Variants in RIPOR1 observed in about 807,000 individuals in gnomAD.
RIPOR1 encodes RHO family interacting cell polarization regulator 1.
In RIPOR1, 58 loss-of-function variants were observed where a neutral mutation model predicts 116.5. The ratio of observed to expected loss-of-function variants is 0.50; its 90% CI spans 0.40 to 0.62. RIPOR1 has a LOEUF of 0.62. RIPOR1 is among the 20% of genes least tolerant of loss of function. RIPOR1 has a pLI of 0.00. For synonymous variants in RIPOR1, 605 were observed against 650.0 expected (o/e 0.93, Z 1.05); for missense variants, 1,372 against 1,586.2 (o/e 0.86, Z 2.29).
intron 1 of RIPOR1, among the ~76,000 whole-genome samples, chr16:67,532,770 G>C (rs780048851): frequency 3.3e-5 from 5 of 152,266 alleles, no homozygotes; most frequent in Admixed American, 2.0e-4. Flanking sequence ...GATTAAATGA[G>C]ATGATGTTTG....
intron 1 of RIPOR1, among the ~76,000 whole-genome samples, chr16:67,536,826 A>G (rs903441012): frequency 2.6e-5 from 4 of 152,080 alleles, no homozygotes; most frequent in Non-Finnish European, 5.9e-5. Context: ...AGCCCCTCCA[A>G]TCAGCACCCT....
chr16:67,542,555 A>G lies in RIPOR1; in HGVS notation c.1769A>G (p.Asn590Ser). Residue 590 changes from asparagine to serine, a missense_variant, in exon 13 of 22, where the codon AAT (asparagine) becomes AGT (serine). Asn to Ser is a conservative substitution (Grantham distance 46). This residue lies in a region of RIPOR1 where 1,005 missense variants were observed against 1,144.7 expected (regional missense o/e 0.88). Coordinates refer to ENST00000042381, the MANE Select transcript of RIPOR1 (RefSeq NM_024519.4). The surrounding 1 kb of genome is among the most constrained non-coding windows in gnomAD (Gnocchi z 4.6). ...CTTACTACTACAGGCCCTACCCTCA[A>G]TATCATAGGCCCAGTCCAGACTACC... ...STLTTTGPTL[N>S]IIGPVQTTTS... The G allele has an allele frequency of 6.2e-7, 1 of 1,613,600 alleles. No homozygotes were observed. The highest frequency in any genetic ancestry group is 8.5e-7 in the Non-Finnish European group (1 of 1,179,840).
chr16:67,542,087 C>T lies in RIPOR1; in HGVS notation c.1301C>T (p.Ala434Val). The T allele has an allele frequency of 6.2e-7, 1 of 1,607,544 alleles. No individual in the cohort carries two copies. The highest frequency in any genetic ancestry group is 8.5e-7 in the Non-Finnish European group (1 of 1,174,998). Residue 434 changes from alanine to valine, a missense_variant, in exon 13 of 22, where the codon GCC becomes GTC. By Grantham distance (64) the Ala-to-Val change is moderately conservative. Coordinates refer to ENST00000042381, the MANE Select transcript of RIPOR1 (RefSeq NM_024519.4). This position sits in a 1 kb window ranked among gnomAD's most constrained non-coding sequence, Gnocchi z 4.6. ...SGPLDEEGAV[A>V]PVLANGHAPY... The stretch of plus-strand genomic sequence containing the variant: ...CCCTTGGATGAGGAGGGGGCCGTGG[C>T]CCCAGTCCTGGCAAATGGGCATGCA...
Position 67,542,730 on chromosome 16 carries a change from G to A in RIPOR1, c.1944G>A (p.Met648Ile). ...PTTTSPTPSG[M>I]GLVQTATSPT... Reference sequence around the variant, plus strand: ...CTACAAGTCCTACCCCCAGTGGTATGGGCCTAGTCCAGACTGCCACAAGTC... The same window carrying A: ...CTACAAGTCCTACCCCCAGTGGTATAGGCCTAGTCCAGACTGCCACAAGTC... The change falls in exon 13 of 22, where the codon ATG becomes ATA. Residue 648 changes from methionine to isoleucine, a missense_variant. Physicochemically the swap from Met to Ile is conservative, Grantham distance 10 (BLOSUM62 1). This residue lies in a region of RIPOR1 where 1,005 missense variants were observed against 1,144.7 expected (regional missense o/e 0.88). Transcript: ENST00000042381. This position sits in a 1 kb window ranked among gnomAD's most constrained non-coding sequence, Gnocchi z 4.6. 6.2e-7 allele frequency: 1 copy of A among 1,610,800 alleles called. No individual in the cohort carries two copies. Among genetic ancestry groups the A allele is most frequent in the Non-Finnish European group, 8.5e-7 (1 of 1,179,170 alleles).
rs752467883 is a variant in RIPOR1 at position 67,544,093 on chromosome 16, G to T, written c.2601-206G>T. Reference sequence around the variant, plus strand: ...TGGTCCCAGCTGGAGGTAGCATGGCGCAGACTGACTCCAGAGATCCCTACT... The same window carrying T: ...TGGTCCCAGCTGGAGGTAGCATGGCTCAGACTGACTCCAGAGATCCCTACT... On this transcript the variant is annotated intron_variant, in intron 14 of 21. Coordinates refer to ENST00000042381, the MANE Select transcript of RIPOR1 (RefSeq NM_024519.4). This position sits in a 1 kb window ranked among gnomAD's most constrained non-coding sequence, Gnocchi z 5.1. 6.6e-6 allele frequency among the ~76,000 whole-genome samples: 1 copy of T among 152,104 alleles called. No homozygotes were observed. The highest frequency in any genetic ancestry group is 6.6e-5 in the Admixed American group (1 of 15,264).
chr16:67,520,488 G>A (rs1291057590), intron 1 of RIPOR1, among the ~76,000 whole-genome samples: 1 of 142,270 alleles, frequency 7.0e-6, no homozygotes, highest in East Asian at 1.9e-4. Context: ...CCCTGAAGTT[G>A]TACCCTGGAG....
At chr16:67,519,279 CAAAA>C (rs56349474) in intron 1 of RIPOR1, among the ~76,000 whole-genome samples, 1 of 89,896 alleles carries the variant, frequency 1.1e-5, no homozygotes, top group Non-Finnish European at 2.7e-5. Flanking sequence ...GACTCTGTTT[CAAAA>C]AAAAAAAAAA....
rs1168302719 is a variant in RIPOR1, at chr16:67,545,489, G to A, written c.3145G>A (p.Asp1049Asn). Residue 1049 changes from aspartate to asparagine, a missense_variant, in exon 18 of 22, where the codon GAC (aspartate) becomes AAC (asparagine). Physicochemically the swap from Asp to Asn is conservative, Grantham distance 23 (BLOSUM62 1). This residue lies in a region of RIPOR1 where 1,005 missense variants were observed against 1,144.7 expected (regional missense o/e 0.88). Coordinates refer to ENST00000042381, the MANE Select transcript of RIPOR1 (RefSeq NM_024519.4). The surrounding 1 kb of genome is among the most constrained non-coding windows in gnomAD (Gnocchi z 4.8). ...FQFWSFVETLDSPTMEAYVTE... is the reference protein window; with the variant it reads ...FQFWSFVETLNSPTMEAYVTE... ...GTTCTGGAGTTTTGTGGAAACCTTG[G>A]ACAGCCCCACCATGGAGGCCTACGT... The A allele has an allele frequency of 6.2e-7, 1 of 1,614,028 alleles. No homozygotes were observed. Among genetic ancestry groups the A allele is most frequent in the Non-Finnish European group, 8.5e-7 (1 of 1,180,022 alleles).
At position 67,537,448 on chromosome 16, in the gene RIPOR1, C is replaced by T. The variant is rs923954260; in HGVS notation, c.-23-976C>T. 2 of 1,239,468 alleles carry T rather than the reference C, an allele frequency of 1.6e-6. No individual in the cohort carries two copies. Among genetic ancestry groups the T allele is most frequent in the South Asian group, 3.3e-5 (1 of 30,532 alleles). The allele number at this position is 1,239,468 out of a possible 1,614,324, so 76.8% of individuals were successfully genotyped here. ...GCGGCAGGAACTGGGCGGGGGGCGG[C>T]GCCGGGAGGAGCCGAAGCCGAGCCA... On this transcript the variant is annotated intron_variant, in intron 1 of 21. Coordinates refer to ENST00000042381, the MANE Select transcript of RIPOR1 (RefSeq NM_024519.4). The surrounding 1 kb of genome is among the most constrained non-coding windows in gnomAD (Gnocchi z 4.6).
upstream of RIPOR1, among the ~76,000 whole-genome samples, chr16:67,526,411 C>T (rs933857325): frequency 6.6e-6 from 1 of 152,114 alleles, no homozygotes; most frequent in African/African-American, 2.4e-5. Context: ...GGAGGCCCTA[C>T]CACATAGTAT....
Position 67,531,312 on chromosome 16 carries a change from C to A in RIPOR1, c.-24+2398C>A, listed in dbSNP as rs2050654384. On this transcript the variant is annotated intron_variant, in intron 1 of 21. Coordinates refer to ENST00000042381, the MANE Select transcript of RIPOR1 (RefSeq NM_024519.4). The surrounding 1 kb of genome is among the most constrained non-coding windows in gnomAD (Gnocchi z 4.2). The stretch of plus-strand genomic sequence containing the variant: ...TTCCTGTGTCTAGGCAGCCCAGCTT[C>A]CCCCACTGTTCCCCCCCTTCATCTC... 6.6e-6 allele frequency among the ~76,000 whole-genome samples: 1 copy of A among 151,856 alleles called. No homozygotes were observed. The highest frequency in any genetic ancestry group is 2.4e-5 in the African/African-American group (1 of 41,310).
In RIPOR1 at chr16:67,546,002, G is replaced by C; in HGVS notation, c.3441G>C (p.Val1147=). The C allele has an allele frequency of 3.7e-6, 6 of 1,613,698 alleles. No individual in the cohort carries two copies. Among genetic ancestry groups the C allele is most frequent in the Non-Finnish European group, 5.1e-6 (6 of 1,179,988 alleles). The change falls in exon 20 of 22, where the codon GTG becomes GTC. Residue 1147 remains valine, a synonymous_variant. Coordinates refer to ENST00000042381, the MANE Select transcript of RIPOR1 (RefSeq NM_024519.4). ...QLEDEDVQTR[V]AGCLALGCIK... The stretch of plus-strand genomic sequence containing the variant: ...AGGATGAGGACGTGCAGACTCGAGT[G>C]GCTGGCTGCCTGGCCCTAGGCTGCA...
At chr16:67,535,451 G>A (rs2050768021) in intron 1 of RIPOR1, among the ~76,000 whole-genome samples, 2 of 152,222 alleles carry the variant, frequency 1.3e-5, no homozygotes, top group Admixed American at 1.3e-4. Flanking sequence ...GGCAAGTGAT[G>A]GGATGGTGGC....
At position 67,537,952 on chromosome 16, in the gene RIPOR1, G is replaced by A. The variant is rs2050844623; in HGVS notation, c.-23-472G>A. On this transcript the variant is annotated intron_variant, in intron 1 of 21. Coordinates refer to ENST00000042381, the MANE Select transcript of RIPOR1 (RefSeq NM_024519.4). The surrounding 1 kb of genome is among the most constrained non-coding windows in gnomAD (Gnocchi z 4.6). The stretch of plus-strand genomic sequence containing the variant: ...TGGGCCTGTCGGGCAGCTCCGCAGG[G>A]CTCCGAGCGTGGCCCCGCCCCGCCC... The A allele has an allele frequency of 4.1e-6, 1 of 243,750 alleles. No homozygotes were observed. The highest frequency in any genetic ancestry group is 7.8e-6 in the Non-Finnish European group (1 of 127,726). The allele number at this position is 243,750 out of a possible 1,614,324, so 15.1% of individuals were successfully genotyped here.
chr16:67,538,273 C>T (rs905238206), intron 1 of RIPOR1, 151 bp from the exon 2 acceptor site: 1 of 991,576 alleles, frequency 1.0e-6, no homozygotes, highest in Non-Finnish European at 1.4e-6. Flanking sequence ...CATTAGTGCC[C>T]GGGTCGGCGG....
chr16:67,545,825 C>T lies in RIPOR1; in HGVS notation c.3352C>T (p.Arg1118Trp), dbSNP rs776166140. ...KVMAAVSTQL[R>W]SLSLGPTFRE... The stretch of plus-strand genomic sequence containing the variant: ...CATGGCTGCTGTCAGCACCCAGCTC[C>T]GGAGCCTGTCACTGGGCCCTACCTT... Residue 1118 changes from arginine (R) to tryptophan (W), a missense_variant, in exon 19 of 22, where the codon CGG becomes TGG. By Grantham distance (101) the Arg-to-Trp change is moderately radical. This residue lies in a region of RIPOR1 where 1,005 missense variants were observed against 1,144.7 expected (regional missense o/e 0.88). Coordinates refer to ENST00000042381, the MANE Select transcript of RIPOR1 (RefSeq NM_024519.4). This position sits in a 1 kb window ranked among gnomAD's most constrained non-coding sequence, Gnocchi z 4.8. The T allele has an allele frequency of 3.4e-5, 54 of 1,608,656 alleles. No individual in the cohort carries two copies. The highest frequency in any genetic ancestry group is 3.3e-4 in the Middle Eastern group (2 of 6,044).
At position 67,545,379 on chromosome 16, in the gene RIPOR1, G is replaced by T; in HGVS notation, c.3035G>T (p.Cys1012Phe). 1 of 1,613,854 alleles carries T rather than the reference G, an allele frequency of 6.2e-7. No homozygotes were observed. Among genetic ancestry groups the T allele is most frequent in the Non-Finnish European group, 8.5e-7 (1 of 1,179,910 alleles). Residue 1012 changes from cysteine (C) to phenylalanine (F), a missense_variant, in exon 18 of 22, where the codon TGT becomes TTT. This residue lies in a region of RIPOR1 where 1,005 missense variants were observed against 1,144.7 expected (regional missense o/e 0.88). Transcript: ENST00000042381. This position sits in a 1 kb window ranked among gnomAD's most constrained non-coding sequence, Gnocchi z 4.8. Reference protein sequence around the residue: ...LRQPGLAEAVCVKFLEDALGQ... With the variant: ...LRQPGLAEAVFVKFLEDALGQ... ...CCCATGCTACTGCCTCCTGCAGTGT[G>T]TGTGAAGTTCCTGGAGGATGCCCTG...
chr16:67,540,398 G>T lies in RIPOR1; in HGVS notation c.631+35G>T. The T allele has an allele frequency of 6.2e-7, 1 of 1,614,192 alleles. No homozygotes were observed. ...TGTGGGGGCAGGTGGGGGGCTGGAG[G>T]GAGTATGCTGAAGAACCCCAATATG... On this transcript the variant is annotated intron_variant, in intron 8 of 21. Coordinates refer to ENST00000042381, the MANE Select transcript of RIPOR1 (RefSeq NM_024519.4). The surrounding 1 kb of genome is among the most constrained non-coding windows in gnomAD (Gnocchi z 4.7).
intron 1 of RIPOR1, 115 bp from the exon 2 acceptor site, chr16:67,538,309 G>A: frequency 7.2e-7 from 1 of 1,388,224 alleles, no homozygotes; most frequent in Non-Finnish European, 9.6e-7. Context: ...GCCGGAGCCC[G>A]CTGGGGCAGC....
Sources: gnomAD v4.1 joint callset for allele counts (sites outside exome capture counted in the v4.1 genomes callset) on GRCh38, gnomAD v4.1.1 for gene constraint, gnomAD v4.1.1 regional missense constraint, Gnocchi (gnomAD v3.1) non-coding constraint, MANE v1.5 for transcripts, NCBI Gene and HGNC (gene_info 2026-07-23, HGNC 2026-07-21) for gene names.